Variants in MYH10 observed in about 807,000 individuals in gnomAD.
The protein encoded by MYH10 is myosin-10.
MYH10 carries 55 observed loss-of-function variants against 257.8 expected under a neutral mutation model. That is an observed-to-expected ratio of 0.21 (90% confidence interval 0.17 to 0.27). The LOEUF (loss-of-function observed/expected upper bound fraction) is 0.27, where lower values mean the gene tolerates loss of function less well. MYH10 is among the 10% of genes least tolerant of loss of function. MYH10 has a pLI of 1.00. For synonymous variants in MYH10, 854 were observed against 921.7 expected (o/e 0.93, Z 1.33); for missense variants, 1,631 against 2,500.6 (o/e 0.65, Z 7.42).
rs917441714 is a variant in MYH10, at chr17:8,504,583, C to T, written c.3599+111G>A. Reference sequence around the variant, plus strand: ...TTAATCACCGTTCCACCTGCCATCACAAGGAAAAGCACACCACCTCCCAAA... The same window carrying T: ...TTAATCACCGTTCCACCTGCCATCATAAGGAAAAGCACACCACCTCCCAAA... On this transcript the variant is annotated intron_variant, in intron 28 of 42. Coordinates refer to ENST00000360416, the MANE Select transcript of MYH10 (RefSeq NM_001256012.3). The surrounding 1 kb of genome is among the most constrained non-coding windows in gnomAD (Gnocchi z 5.6). 2.7e-5 allele frequency: 25 copies of T among 921,892 alleles called. No individual in the cohort carries two copies. Among genetic ancestry groups the T allele is most frequent in the Middle Eastern group, 3.4e-4 (1 of 2,918 alleles). The allele number at this position is 921,892 out of a possible 1,614,324, so 57.1% of individuals were successfully genotyped here. A position where few individuals can be genotyped will look rare whatever the true frequency, so the allele number is the denominator to read the frequency against.
intron 2 of MYH10, among the ~76,000 whole-genome samples, chr17:8,615,780 T>C (rs927522931): frequency 6.6e-6 from 1 of 152,160 alleles, no homozygotes; most frequent in Non-Finnish European, 1.5e-5. Flanking sequence ...AAATCACCCA[T>C]TCAGGAATAC....
chr17:8,600,328 A>G (rs2084543441), intron 3 of MYH10, among the ~76,000 whole-genome samples: 1 of 152,208 alleles, frequency 6.6e-6, no homozygotes, highest in African/African-American at 2.4e-5. Context: ...GGGGGAAAGT[A>G]AAACAAGTAA....
chr17:8,498,141 C>A (rs1437524770), intron 30 of MYH10, among the ~76,000 whole-genome samples: 2 of 151,786 alleles, frequency 1.3e-5, no homozygotes, highest in Admixed American at 6.6e-5. Context: ...CACCACCACA[C>A]CTGGCCAATT....
intron 3 of MYH10, among the ~76,000 whole-genome samples, chr17:8,592,087 A>G (rs2084168421): frequency 6.6e-6 from 1 of 152,230 alleles, no homozygotes; most frequent in African/African-American, 2.4e-5. Flanking sequence ...CAAAAATGCA[A>G]CTAGCCTTCT....
intron 36 of MYH10, 113 bp from the exon 37 acceptor site, chr17:8,484,379 G>A (rs1914402472): frequency 7.1e-6 from 7 of 989,846 alleles, no homozygotes; most frequent in Non-Finnish European, 1.0e-5. Context: ...TCAAACTCAA[G>A]GCCTCAAGCA....
chr17:8,613,616 A>T (rs981826388), intron 2 of MYH10, among the ~76,000 whole-genome samples: 1 of 152,216 alleles, frequency 6.6e-6, no homozygotes, highest in Non-Finnish European at 1.5e-5. Context: ...GAAAAGACAG[A>T]ATAATAAAAA....
chr17:8,619,305 G>A (rs2085379442), intron 2 of MYH10, among the ~76,000 whole-genome samples: 1 of 152,160 alleles, frequency 6.6e-6, no homozygotes, highest in African/African-American at 2.4e-5. Flanking sequence ...TGCTAGTACA[G>A]TTTGGTACTA....
In MYH10 at chr17:8,478,359, G is replaced by C; in HGVS notation, c.5685C>G (p.His1895Gln). 6.2e-7 allele frequency: 1 copy of C among 1,614,094 alleles called. No individual in the cohort carries two copies. Among genetic ancestry groups the C allele is most frequent in the Non-Finnish European group, 8.5e-7 (1 of 1,180,012 alleles). ...GTACCTGCTCTTTATACTGGTCCGC[G>C]TGTCGACGCTCATCCTCAACCTGCA... ...IFMQVEDERR[H>Q]ADQYKEQMEK... Residue 1895 changes from histidine to glutamine, a missense_variant, in exon 41 of 43, where the codon CAC becomes CAG. Transcript: ENST00000360416.
At chr17:8,483,822 G>T (rs1195765191) in intron 37 of MYH10, among the ~76,000 whole-genome samples, 1 of 152,222 alleles carries the variant, frequency 6.6e-6, no homozygotes, top group African/African-American at 2.4e-5. Context: ...CACAGTTCTT[G>T]TGCTTATCAA....
chr17:8,540,570 T>C (rs1190677505), intron 14 of MYH10, among the ~76,000 whole-genome samples: 1 of 152,162 alleles, frequency 6.6e-6, no homozygotes, highest in Admixed American at 6.5e-5. Flanking sequence ...TTAAGACAGG[T>C]AATTTTCCAT....
At chr17:8,585,388 T>G (rs1431133439) in intron 4 of MYH10, among the ~76,000 whole-genome samples, 1 of 149,752 alleles carries the variant, frequency 6.7e-6, no homozygotes, top group East Asian at 2.0e-4. Flanking sequence ...AACATGAGCA[T>G]GGGGAGAATC....
chr17:8,508,410 C>T, intron 26 of MYH10, 144 bp downstream of exon 26: 1 of 1,161,602 alleles, frequency 8.6e-7, no homozygotes, highest in East Asian at 2.6e-5. Flanking sequence ...GCCAAGGGAC[C>T]TATTTTAATA....
At chr17:8,594,934 T>C (rs747263226) in intron 3 of MYH10, among the ~76,000 whole-genome samples, 1 of 152,224 alleles carries the variant, frequency 6.6e-6, no homozygotes, top group African/African-American at 2.4e-5. Context: ...CAATCCACAG[T>C]TGGTTGAATC....
rs376087130 is a variant in MYH10 at position 8,480,536 on chromosome 17, G to A, written c.5265-11C>T. The stretch of plus-strand genomic sequence containing the variant: ...TCCAGCAGCGCGGACCTGGCGGGGA[G>A]AGGAGGAGGGGACGGTTCAATCCCA... On this transcript the variant is annotated splice_polypyrimidine_tract_variant and intron_variant, in intron 38 of 42. Transcript: ENST00000360416. 3.1e-6 allele frequency: 5 copies of A among 1,603,898 alleles called. No individual in the cohort carries two copies. The African/African-American group carries it at 4.0e-5, about 13-fold the overall frequency.
chr17:8,527,575 G>T (rs8075851), intron 17 of MYH10, among the ~76,000 whole-genome samples: 131,037 of 152,200 alleles, frequency 0.86, 57,548 homozygotes, highest in East Asian at 0.98. Context: ...TTATGTTAAG[G>T]AAAGCCAAGG....
chr17:8,623,909 A>G (rs552180084), intron 1 of MYH10, among the ~76,000 whole-genome samples: 6 of 152,256 alleles, frequency 3.9e-5, no homozygotes, highest in Non-Finnish European at 7.4e-5. Flanking sequence ...CCTTTTGAAT[A>G]TGTCATGGTA....
chr17:8,545,685 C>T lies in MYH10; in HGVS notation c.1279-85G>A. 1.4e-6 allele frequency: 2 copies of T among 1,411,594 alleles called. No homozygotes were observed. Among genetic ancestry groups the T allele is most frequent in the Non-Finnish European group, 1.9e-6 (2 of 1,045,296 alleles). 87.4% of individuals were successfully genotyped at this position (1,411,594 alleles called of 1,614,324 possible). On this transcript the variant is annotated intron_variant, in intron 12 of 42. Transcript: ENST00000360416. This position sits in a 1 kb window ranked among gnomAD's most constrained non-coding sequence, Gnocchi z 4.7. ...CTGTTTTACGGAATTTAATGTTATA[C>T]AGCACTCAAAAAACCTGAGATGGCA...
At chr17:8,625,780 C>A (rs2085653041) in intron 1 of MYH10, among the ~76,000 whole-genome samples, 1 of 152,194 alleles carries the variant, frequency 6.6e-6, no homozygotes, top group Non-Finnish European at 1.5e-5. Flanking sequence ...CGCGTCCAGC[C>A]TGAGCCTCAG....
Position 8,548,606 on chromosome 17 carries a change from G to A in MYH10, c.1063+38C>T, listed in dbSNP as rs541448089. On this transcript the variant is annotated intron_variant, in intron 10 of 42. Coordinates refer to ENST00000360416, the MANE Select transcript of MYH10 (RefSeq NM_001256012.3). ...TTTACCCCAGATGTATAAGTCTTAG[G>A]AAAGTGAGTACCAGAATCTTAGAGA... is the stretch of plus-strand genomic sequence containing the variant. 8.0e-5 allele frequency: 129 copies of A among 1,608,724 alleles called. 1 individual carries two copies. The highest frequency in any genetic ancestry group is 1.7e-4 in the Middle Eastern group (1 of 6,028).
Sources: gnomAD v4.1 joint callset for allele counts (sites outside exome capture counted in the v4.1 genomes callset) on GRCh38, gnomAD v4.1.1 for gene constraint, Gnocchi (gnomAD v3.1) non-coding constraint, MANE v1.5 for transcripts, NCBI Gene and HGNC (gene_info 2026-07-23, HGNC 2026-07-21) for gene names.